CNTN4: variants seen among roughly 807,000 people sequenced by gnomAD.
The protein encoded by CNTN4 is contactin-4.
CNTN4 carries 77 observed loss-of-function variants against 122.5 expected under a neutral mutation model. The observed-to-expected ratio is 0.63, with a 90% confidence interval of 0.52 to 0.76. CNTN4 has a LOEUF of 0.76. Ranked by LOEUF, CNTN4 falls within the 30% of genes least tolerant of loss-of-function variation. CNTN4 has a pLI of 0.00. For synonymous variants in CNTN4, 512 were observed against 447.0 expected (o/e 1.15, Z -1.83); for missense variants, 1,256 against 1,259.1 (o/e 1.00, Z 0.04).
chr3:3,039,043 A>G (rs1574897694), intron 19 of CNTN4, 40 bp downstream of exon 19: 2 of 1,512,356 alleles, frequency 1.3e-6, no homozygotes, highest in East Asian at 2.3e-5. Context: ...ACACGCATCG[A>G]AGCTATTTTA....
At chr3:2,546,972 T>C (rs1465443546) in intron 3 of CNTN4, among the ~76,000 whole-genome samples, 1 of 152,100 alleles carries the variant, frequency 6.6e-6, no homozygotes, top group Non-Finnish European at 1.5e-5. Flanking sequence ...ATTGAGTACT[T>C]GAGAGATCCC....
intron 3 of CNTN4, among the ~76,000 whole-genome samples, chr3:2,484,316 AC>A (rs568094009): frequency 2.3e-3 from 349 of 152,334 alleles, no homozygotes; most frequent in African/African-American, 7.8e-3. Context: ...ACCTGATAAG[AC>A]AGTAAGTCCA....
chr3:2,159,713 A>G (rs998584157), intron 2 of CNTN4, among the ~76,000 whole-genome samples: 1 of 152,166 alleles, frequency 6.6e-6, no homozygotes, highest in Admixed American at 6.5e-5. Context: ...AATATGAGAT[A>G]TATAAGCAGC....
intron 6 of CNTN4, among the ~76,000 whole-genome samples, chr3:2,795,156 C>T (rs184120088): frequency 6.6e-6 from 1 of 152,316 alleles, no homozygotes; most frequent in Non-Finnish European, 1.5e-5. Context: ...ATCAAACCCA[C>T]TGGAATATTT....
At chr3:2,772,682 C>T (rs1174753973) in intron 6 of CNTN4, among the ~76,000 whole-genome samples, 2 of 152,136 alleles carry the variant, frequency 1.3e-5, no homozygotes, top group Non-Finnish European at 2.9e-5. Flanking sequence ...TGTAAAGTCA[C>T]CTTATCTGTA....
At chr3:2,659,460 C>CAAAAAAAAAAAAA (rs59025670) in intron 4 of CNTN4, among the ~76,000 whole-genome samples, 1 of 53,968 alleles carries the variant, frequency 1.9e-5, no homozygotes, top group Non-Finnish European at 3.8e-5. Flanking sequence ...GACTCCATCT[C>CAAAAAAAAAAAAA]AAAAAAAAAA....
chr3:2,240,167 G>T (rs148842491), intron 2 of CNTN4, among the ~76,000 whole-genome samples: 1 of 152,244 alleles, frequency 6.6e-6, no homozygotes, highest in African/African-American at 2.4e-5. Flanking sequence ...TTTTAGTCTA[G>T]ATAGTAAGTC....
intron 14 of CNTN4, among the ~76,000 whole-genome samples, chr3:2,991,391 G>A (rs1695037060): frequency 6.6e-6 from 1 of 152,128 alleles, no homozygotes; most frequent in Non-Finnish European, 1.5e-5. Flanking sequence ...AGTGGCTCCT[G>A]GTTCTGAGCT....
chr3:2,350,926 G>A (rs1168506463), intron 3 of CNTN4, among the ~76,000 whole-genome samples: 1 of 152,164 alleles, frequency 6.6e-6, no homozygotes, highest in Non-Finnish European at 1.5e-5. Context: ...CTCTAGCACA[G>A]CCTAAATAAT....
intron 2 of CNTN4, among the ~76,000 whole-genome samples, chr3:2,194,698 C>T (rs1360357751): frequency 6.6e-6 from 1 of 152,046 alleles, no homozygotes; most frequent in Non-Finnish European, 1.5e-5. Context: ...AGGAGAGGGC[C>T]ACGCAAAGAT....
In CNTN4 at chr3:2,226,337, A is replaced by G. The variant is rs143321247; in HGVS notation, c.-144-112841A>G. ...ATTTGGGCTCCGTAAGAATCTTATC[A>G]TGTTTATTGATGAGGAATTGTGAGT... is the stretch of plus-strand genomic sequence containing the variant. On this transcript the variant is annotated intron_variant, in intron 2 of 24. Transcript: ENST00000418658. Among the ~76,000 whole-genome samples the G allele has an allele frequency of 9.9e-3, 1,500 of 152,238 alleles. 17 individuals carry two copies. Among genetic ancestry groups the G allele is most frequent in the Middle Eastern group, 0.02 (6 of 294 alleles).
chr3:2,670,576 G>A (rs1423627130), intron 4 of CNTN4, among the ~76,000 whole-genome samples: 2 of 152,154 alleles, frequency 1.3e-5, no homozygotes, highest in African/African-American at 2.4e-5. Context: ...TTTAATTGGA[G>A]CATTTAGCCC....
chr3:2,953,802 A>C (rs531749528), intron 13 of CNTN4, among the ~76,000 whole-genome samples: 49 of 152,298 alleles, frequency 3.2e-4, no homozygotes, highest in African/African-American at 1.1e-3. Context: ...GATTTGGATG[A>C]CACGTGTTCT....
intron 3 of CNTN4, among the ~76,000 whole-genome samples, chr3:2,488,396 A>G (rs1476237000): frequency 6.6e-6 from 1 of 152,076 alleles, no homozygotes. Flanking sequence ...CACATCCCAA[A>G]TATGTGTATG....
At chr3:2,455,530 G>T (rs993544257) in intron 3 of CNTN4, among the ~76,000 whole-genome samples, 2 of 151,770 alleles carry the variant, frequency 1.3e-5, no homozygotes, top group African/African-American at 2.4e-5. Flanking sequence ...TCCCATTACC[G>T]GAAATCTCTT....
intron 4 of CNTN4, among the ~76,000 whole-genome samples, chr3:2,603,842 G>T (rs2728067): frequency 0.9 from 137,264 of 152,248 alleles, 62,128 homozygotes; most frequent in East Asian, 0.99. Flanking sequence ...ACAACATGGT[G>T]TAGTTGTGCT....
chr3:2,190,993 C>G (rs566777234), intron 2 of CNTN4, among the ~76,000 whole-genome samples: 1 of 152,142 alleles, frequency 6.6e-6, no homozygotes, highest in African/African-American at 2.4e-5. Context: ...CCTTGAAAGT[C>G]TTGAGTTTTC....
At chr3:2,344,490 G>A (rs1254200113) in intron 3 of CNTN4, among the ~76,000 whole-genome samples, 1 of 151,956 alleles carries the variant, frequency 6.6e-6, no homozygotes, top group African/African-American at 2.4e-5. Flanking sequence ...ATGTTGGCCA[G>A]GCTACTCTCA....
chr3:2,468,275 T>C (rs190272225), intron 3 of CNTN4, among the ~76,000 whole-genome samples: 3 of 152,324 alleles, frequency 2.0e-5, no homozygotes, highest in Admixed American at 2.0e-4. Flanking sequence ...AGGGTGTTCA[T>C]GGAGGATTTT....
Sources: gnomAD v4.1 joint callset for allele counts (sites outside exome capture counted in the v4.1 genomes callset) on GRCh38, gnomAD v4.1.1 for gene constraint, MANE v1.5 for transcripts, NCBI Gene and HGNC (gene_info 2026-07-23, HGNC 2026-07-21) for gene names.